Variants in DOCK4 observed in about 807,000 individuals in gnomAD.
The protein encoded by DOCK4 is dedicator of cytokinesis protein 4.
DOCK4 carries 97 observed loss-of-function variants against 268.1 expected under a neutral mutation model. The observed-to-expected ratio is 0.36, with a 90% CI of 0.31 to 0.43. The LOEUF (loss-of-function observed/expected upper bound fraction) is 0.43, where lower values mean the gene tolerates loss of function less well. DOCK4 is among the 20% of genes least tolerant of loss of function. The pLI is 1.00. For synonymous variants in DOCK4, 954 were observed against 887.2 expected (o/e 1.08, Z -1.34); for missense variants, 2,145 against 2,455.7 (o/e 0.87, Z 2.67).
intron 4 of DOCK4, among the ~76,000 whole-genome samples, chr7:111,995,824 T>C (rs1799915431): frequency 6.6e-6 from 1 of 152,198 alleles, no homozygotes. Flanking sequence ...ACTTGCCCTA[T>C]GAATATTTTC....
At chr7:111,861,639 A>C (rs1259696593) in intron 23 of DOCK4, among the ~76,000 whole-genome samples, 2 of 151,632 alleles carry the variant, frequency 1.3e-5, no homozygotes, top group Non-Finnish European at 2.9e-5. Flanking sequence ...CCAGCTACTC[A>C]GGAGGCTGAG....
intron 30 of DOCK4, among the ~76,000 whole-genome samples, chr7:111,791,374 C>T (rs530243306): frequency 1.4e-3 from 209 of 150,474 alleles, no homozygotes; most frequent in South Asian, 2.5e-3. Flanking sequence ...GGTGAGATTA[C>T]GGGTGATTTT....
At chr7:111,925,340 T>A (rs1342922310) in intron 12 of DOCK4, among the ~76,000 whole-genome samples, 1 of 152,146 alleles carries the variant, frequency 6.6e-6, no homozygotes, top group Non-Finnish European at 1.5e-5. Context: ...CCTGGCTGAT[T>A]AAAATGAGGT....
chr7:112,132,905 TTG>T (rs1372783484), intron 1 of DOCK4, among the ~76,000 whole-genome samples: 7 of 152,290 alleles, frequency 4.6e-5, no homozygotes, highest in African/African-American at 1.4e-4. Flanking sequence ...TCTTTACTCT[TTG>T]TCAGGAATTC....
chr7:112,004,148 A>G lies in DOCK4; in HGVS notation c.38-17T>C, dbSNP rs763783744. 4 of 1,550,420 alleles carry G rather than the reference A, an allele frequency of 2.6e-6. No homozygotes were observed. The African/African-American group carries it at 5.5e-5, about 21-fold the overall frequency. On this transcript the variant is annotated splice_polypyrimidine_tract_variant and intron_variant, in intron 1 of 52. Transcript: ENST00000428084. ...TGGCAATAACTGTAAAAAATGATAA[A>G]GAATATATGAAGACAATCATGTCCA...
At chr7:111,817,263 C>A (rs1159531317) in intron 27 of DOCK4, among the ~76,000 whole-genome samples, 1 of 152,146 alleles carries the variant, frequency 6.6e-6, no homozygotes, top group African/African-American at 2.4e-5. Context: ...TATCTATTAT[C>A]TCCCTGAACA....
At chr7:111,733,873 G>T (rs922426608) in intron 51 of DOCK4, among the ~76,000 whole-genome samples, 2 of 152,170 alleles carry the variant, frequency 1.3e-5, no homozygotes, top group African/African-American at 4.8e-5. Context: ...GACCTCATAT[G>T]TCTCTCAAAA....
At chr7:111,934,948 CT>C (rs928322293) in intron 12 of DOCK4, among the ~76,000 whole-genome samples, 109 of 145,548 alleles carry the variant, frequency 7.5e-4, no homozygotes, top group East Asian at 5.8e-3. Flanking sequence ...TTTTAGCTTG[CT>C]TTTTTTTTTT....
intron 1 of DOCK4, among the ~76,000 whole-genome samples, chr7:112,179,878 C>G (rs2116685908): frequency 6.6e-6 from 1 of 152,240 alleles, no homozygotes; most frequent in African/African-American, 2.4e-5. Flanking sequence ...AGCATAAGCA[C>G]TTTTCCATTT....
At chr7:112,135,612 G>A (rs959168113) in intron 1 of DOCK4, among the ~76,000 whole-genome samples, 2 of 151,874 alleles carry the variant, frequency 1.3e-5, no homozygotes, top group African/African-American at 2.4e-5. Flanking sequence ...CTATCCTGCC[G>A]CCTTGATTAA....
intron 1 of DOCK4, among the ~76,000 whole-genome samples, chr7:112,200,948 T>C (rs1820884087): frequency 6.6e-6 from 1 of 152,090 alleles, no homozygotes; most frequent in Non-Finnish European, 1.5e-5. Context: ...ATCATTTCTC[T>C]TCTATTCCCA....
intron 16 of DOCK4, among the ~76,000 whole-genome samples, chr7:111,882,800 C>T (rs550662997): frequency 6.6e-6 from 1 of 152,100 alleles, no homozygotes; most frequent in Admixed American, 6.5e-5. Flanking sequence ...TTAGTAGAAA[C>T]GGGATTGCTC....
chr7:112,087,158 T>C (rs1809168827), intron 1 of DOCK4, among the ~76,000 whole-genome samples: 3 of 152,180 alleles, frequency 2.0e-5, no homozygotes, highest in South Asian at 4.1e-4. Flanking sequence ...CTTCTCCAGG[T>C]ACCCATTTCT....
intron 1 of DOCK4, among the ~76,000 whole-genome samples, chr7:112,045,286 A>T (rs1804736713): frequency 6.6e-6 from 1 of 152,158 alleles, no homozygotes; most frequent in Non-Finnish European, 1.5e-5. Flanking sequence ...TCTTGGCTCA[A>T]ATGTCACCTT....
At chr7:111,856,427 C>T (rs958453814) in intron 23 of DOCK4, among the ~76,000 whole-genome samples, 3 of 152,154 alleles carry the variant, frequency 2.0e-5, no homozygotes, top group South Asian at 2.1e-4. Context: ...TTTATCTTTG[C>T]CCTGTCTAGA....
At position 111,868,154 on chromosome 7, in the gene DOCK4, C is replaced by A; in HGVS notation, c.2110G>T (p.Ala704Ser). ...ATATACTTAAAAATGTATTCTTGTG[C>A]CTTAAAAATACAATTTTTAAAAGTT... ...RQEHIQEVLK[A>S]QEYIFKYIVQ... Residue 704 changes from alanine (A) to serine (S), a missense_variant and splice_region_variant, in exon 22 of 53, where the codon GCA (alanine) becomes TCA (serine). Coordinates refer to ENST00000428084, the MANE Select transcript of DOCK4 (RefSeq NM_001363540.2). 1 of 1,565,870 alleles carries A rather than the reference C, an allele frequency of 6.4e-7. No homozygotes were observed. Among genetic ancestry groups the A allele is most frequent in the Non-Finnish European group, 8.6e-7 (1 of 1,158,052 alleles).
intron 4 of DOCK4, among the ~76,000 whole-genome samples, chr7:111,996,325 G>C (rs1296692331): frequency 2.0e-5 from 3 of 152,144 alleles, no homozygotes; most frequent in Non-Finnish European, 4.4e-5. Flanking sequence ...CAAGGTGACT[G>C]TTTTCTATTA....
At chr7:112,044,617 T>C (rs931771886) in intron 1 of DOCK4, among the ~76,000 whole-genome samples, 1 of 152,072 alleles carries the variant, frequency 6.6e-6, no homozygotes, top group Non-Finnish European at 1.5e-5. Context: ...TAAAATCAAG[T>C]TCTTCCTTCC....
intron 8 of DOCK4, among the ~76,000 whole-genome samples, chr7:111,969,395 C>A (rs570873464): frequency 6.8e-6 from 1 of 146,328 alleles, no homozygotes. Flanking sequence ...TCCTTTGCAT[C>A]TACAAAATTT....
Sources: gnomAD v4.1 joint callset for allele counts (sites outside exome capture counted in the v4.1 genomes callset) on GRCh38, gnomAD v4.1.1 for gene constraint, MANE v1.5 for transcripts, NCBI Gene and HGNC (gene_info 2026-07-23, HGNC 2026-07-21) for gene names.